The following BBS9 variants were observed in gnomAD, a reference collection of about 807,000 sequenced individuals.
The protein encoded by BBS9 is protein PTHB1.
A neutral mutation model predicts 117.7 loss-of-function variants in BBS9; 89 were observed. The ratio of observed to expected loss-of-function variants is 0.76; its 90% confidence interval spans 0.64 to 0.90. The LOEUF (loss-of-function observed/expected upper bound fraction) is 0.90, where lower values mean the gene tolerates loss of function less well. BBS9 is among the 40% of genes least tolerant of loss of function. The probability of loss-of-function intolerance (pLI) is 0.00; values close to 1 mark genes in which losing one functional copy is unlikely to be tolerated. For missense variants in BBS9, 982 were observed against 1,042.2 expected, an observed-to-expected ratio of 0.94 and a Z score of 0.80; for synonymous variants, 379 against 370.9, an observed-to-expected ratio of 1.02 and a Z score of -0.25.
At chr7:33,593,518 T>G (rs1563417824) in intron 21 of BBS9, among the ~76,000 whole-genome samples, 1 of 152,094 alleles carries the variant, frequency 6.6e-6, no homozygotes, top group Non-Finnish European at 1.5e-5. Context: ...ACAGATGTAA[T>G]GCAAATAAAT....
At chr7:33,615,687 G>A (rs1865095614) in intron 21 of BBS9, among the ~76,000 whole-genome samples, 1 of 152,044 alleles carries the variant, frequency 6.6e-6, no homozygotes, top group African/African-American at 2.4e-5. Context: ...TCAAATTAAT[G>A]TCAGGCACCA....
Position 33,219,965 on chromosome 7 carries a change from A to G in BBS9, c.443-37271A>G, listed in dbSNP as rs554397651. 2.0e-5 allele frequency among the ~76,000 whole-genome samples: 3 copies of G among 152,316 alleles called. No individual in the cohort carries two copies. The East Asian group carries it at 5.8e-4, about 29-fold the overall frequency. On this transcript the variant is annotated intron_variant, in intron 5 of 22. Coordinates refer to ENST00000242067, the MANE Select transcript of BBS9 (RefSeq NM_198428.3). ...GCTTCACTCCTGAGCTAGCGAGACC[A>G]TGAACCCACCAGAAGGAAGAAACTC...
chr7:33,479,209 T>C (rs907543650), intron 19 of BBS9, among the ~76,000 whole-genome samples: 4 of 152,198 alleles, frequency 2.6e-5, no homozygotes, highest in Non-Finnish European at 5.9e-5. Context: ...GTAGTGAGCA[T>C]AGTACCCGCT....
chr7:33,177,962 T>C, intron 5 of BBS9: 1 of 214,134 alleles, frequency 4.7e-6, no homozygotes, highest in Non-Finnish European at 9.4e-6. Context: ...TTTTGTCTTT[T>C]ATATATAAGC....
rs1424882617 is a variant in BBS9 at position 33,405,321 on chromosome 7, T to C, written c.2115+17177T>C. 2.0e-5 allele frequency among the ~76,000 whole-genome samples: 3 copies of C among 152,280 alleles called. No individual in the cohort carries two copies. In the East Asian group the frequency reaches 5.8e-4, roughly 29 times the overall value. On this transcript the variant is annotated intron_variant, in intron 19 of 22. Coordinates refer to ENST00000242067, the MANE Select transcript of BBS9 (RefSeq NM_198428.3). Reference sequence around the variant, plus strand: ...TAAAATTCTCTTTTTTGGTTGTGTCTCTGCCCGGCTTTGGTATCAGGATGA... The same window carrying C: ...TAAAATTCTCTTTTTTGGTTGTGTCCCTGCCCGGCTTTGGTATCAGGATGA...
At chr7:33,614,164 A>G (rs1367730728) in intron 21 of BBS9, among the ~76,000 whole-genome samples, 3 of 152,136 alleles carry the variant, frequency 2.0e-5, no homozygotes, top group Non-Finnish European at 4.4e-5. Context: ...CAGTAAATAC[A>G]AAAACTTCAG....
chr7:33,183,476 C>T (rs1306004633), intron 5 of BBS9, among the ~76,000 whole-genome samples: 1 of 152,086 alleles, frequency 6.6e-6, no homozygotes, highest in African/African-American at 2.4e-5. Context: ...AAAAAAATTC[C>T]TTATAAACCT....
At chr7:33,285,696 T>C (rs1802750905) in intron 9 of BBS9, among the ~76,000 whole-genome samples, 1 of 152,190 alleles carries the variant, frequency 6.6e-6, no homozygotes, top group Non-Finnish European at 1.5e-5. Context: ...TATTGAGGTA[T>C]GGCCTGTCAT....
chr7:33,388,099 C>G lies in BBS9; in HGVS notation c.2070C>G (p.Ala690=), dbSNP rs200515072. ...CAAGATTCAAAGATAAAACTCCTGC[C>G]CCTCTTCAACACCTGGACACCTTGT... is the stretch of plus-strand genomic sequence containing the variant. ...LLARFKDKTP[A]PLQHLDTLLD... is the part of the protein sequence containing the mutation. The change falls in exon 19 of 23, where the codon GCC becomes GCG. Residue 690 remains alanine, a synonymous_variant. Transcript: ENST00000242067. 8.1e-6 allele frequency: 13 copies of G among 1,613,992 alleles called. No individual in the cohort carries two copies. Among genetic ancestry groups the G allele is most frequent in the Non-Finnish European group, 1.1e-5 (13 of 1,179,996 alleles).
At chr7:33,280,903 T>C (rs1801687517) in intron 9 of BBS9, among the ~76,000 whole-genome samples, 1 of 127,166 alleles carries the variant, frequency 7.9e-6, no homozygotes, top group South Asian at 2.6e-4. Flanking sequence ...TGTTAATTTG[T>C]CGTTTTTGTT....
chr7:33,185,603 A>AT, intron 5 of BBS9, among the ~76,000 whole-genome samples: 1 of 152,190 alleles, frequency 6.6e-6, no homozygotes, highest in Non-Finnish European at 1.5e-5. Flanking sequence ...TTTAATGTAT[A>AT]TTTAGTGTGC....
At chr7:33,378,373 T>C (rs1288475740) in intron 17 of BBS9, among the ~76,000 whole-genome samples, 2 of 152,222 alleles carry the variant, frequency 1.3e-5, no homozygotes, top group Non-Finnish European at 2.9e-5. Context: ...ATTTAAACTA[T>C]AAACAAGAAT....
At chr7:33,431,947 T>C (rs1834539252) in intron 19 of BBS9, among the ~76,000 whole-genome samples, 1 of 152,188 alleles carries the variant, frequency 6.6e-6, no homozygotes, top group Non-Finnish European at 1.5e-5. Flanking sequence ...AAGCACCACT[T>C]GATAGTTACC....
rs899413736 is a variant in BBS9, at chr7:33,129,973, C to G, written c.-80C>G. ...CATCACTGGGACCTTGTCAGGCGTT[C>G]ATAAAGCAAAATTTGCCGAACGAGG... On this transcript the variant is annotated 5_prime_UTR_variant, in exon 1 of 23. Coordinates refer to ENST00000242067, the MANE Select transcript of BBS9 (RefSeq NM_198428.3). The G allele has an allele frequency of 1.3e-5, 2 of 152,216 alleles. No homozygotes were observed. The highest frequency in any genetic ancestry group is 1.3e-4 in the Admixed American group (2 of 15,270). The allele number at this position is 152,216 out of a possible 1,614,324, so 9.4% of individuals were successfully genotyped here. A position where few individuals can be genotyped will look rare whatever the true frequency, so the allele number is the denominator to read the frequency against.
At chr7:33,463,934 G>A (rs930895442) in intron 19 of BBS9, among the ~76,000 whole-genome samples, 3 of 152,026 alleles carry the variant, frequency 2.0e-5, no homozygotes, top group African/African-American at 7.2e-5. Flanking sequence ...TCCATTGCCT[G>A]TTGTTCAGTG....
At chr7:33,225,016 GAT>G (rs1790972311) in intron 5 of BBS9, among the ~76,000 whole-genome samples, 1 of 152,122 alleles carries the variant, frequency 6.6e-6, no homozygotes, top group Non-Finnish European at 1.5e-5. Flanking sequence ...GTTACCCAGA[GAT>G]ATATTCTTAG....
chr7:33,436,337 A>G (rs1404864964), intron 19 of BBS9, among the ~76,000 whole-genome samples: 1 of 152,190 alleles, frequency 6.6e-6, no homozygotes, highest in Non-Finnish European at 1.5e-5. Flanking sequence ...TTGATGAAAG[A>G]TGCTCATCGG....
At chr7:33,170,675 G>A (rs201510834) in intron 4 of BBS9, among the ~76,000 whole-genome samples, 27,483 of 142,700 alleles carry the variant, frequency 0.19, 2,904 homozygotes, top group Non-Finnish European at 0.21. Flanking sequence ...CCCTGTTTGC[G>A]GATGACATGA....
At chr7:33,435,694 G>A (rs1209007139) in intron 19 of BBS9, among the ~76,000 whole-genome samples, 1 of 152,122 alleles carries the variant, frequency 6.6e-6, no homozygotes, top group South Asian at 2.1e-4. Flanking sequence ...CCCATTTGCA[G>A]GAATCACAAT....
Sources: allele counts gnomAD v4.1 joint callset (sites outside exome capture counted in the v4.1 genomes callset), GRCh38; gene constraint gnomAD v4.1.1; transcripts MANE v1.5; gene names NCBI Gene and HGNC (gene_info 2026-07-23, HGNC 2026-07-21).